The following SUN1 variants were observed in gnomAD, a reference collection of about 807,000 sequenced individuals.
SUN1 encodes SUN domain-containing protein 1.
SUN1 carries 61 observed loss-of-function variants against 103.2 expected under a neutral mutation model. That is an observed-to-expected ratio of 0.59 (90% CI 0.48 to 0.73). SUN1 has a LOEUF of 0.73. Ranked by LOEUF, SUN1 falls within the 30% of genes least tolerant of loss-of-function variation. The pLI is 0.00. For synonymous variants in SUN1, 490 were observed against 425.7 expected (o/e 1.15, Z -1.86); for missense variants, 1,052 against 1,034.6 (o/e 1.02, Z -0.23).
upstream of SUN1, chr7:816,151 G>A (rs1780336428): frequency 2.0e-5 from 4 of 205,010 alleles, no homozygotes; most frequent in South Asian, 3.8e-5. Context: ...AACGTAGACC[G>A]CGTATCTGAG....
At chr7:856,435 T>A in intron 12 of SUN1, 34 bp downstream of exon 12, 1 of 1,612,816 alleles carries the variant, frequency 6.2e-7, no homozygotes, top group Non-Finnish European at 8.5e-7. Flanking sequence ...ACTTTTGTCT[T>A]CGGTGTGTGT....
intron 10 of SUN1, 43 bp downstream of exon 10, chr7:853,661 C>T (rs774753882): frequency 8.9e-6 from 14 of 1,576,750 alleles, no homozygotes; most frequent in Middle Eastern, 2.2e-4. Context: ...GACACCAACG[C>T]GCTTCTGGGT....
upstream of SUN1, chr7:815,982 C>A: frequency 4.9e-6 from 1 of 205,132 alleles, no homozygotes; most frequent in South Asian, 4.8e-5. Context: ...CTGCCCCTCC[C>A]CCAAGACGCG....
chr7:816,195 C>T (rs558023175), upstream of SUN1: 1,442 of 251,068 alleles, frequency 5.7e-3, 12 homozygotes, highest in Non-Finnish European at 7.7e-3. Flanking sequence ...ACCCCTCCCC[C>T]AGGTGCAGAC....
At position 860,392 on chromosome 7, in the gene SUN1, C is replaced by T. The variant is rs751444425; in HGVS notation, c.1779+10C>T. On this transcript the variant is annotated intron_variant, in intron 14 of 18. Coordinates refer to ENST00000401592, the MANE Select transcript of SUN1 (RefSeq NM_001130965.3). The stretch of plus-strand genomic sequence containing the variant: ...TGGAATAACAGAGGCGGTGAGTCGG[C>T]GAGTCGGCGGCAAGAGATGCTTACA... 5 of 1,609,560 alleles carry T rather than the reference C, an allele frequency of 3.1e-6. No homozygotes were observed. The highest frequency in any genetic ancestry group is 1.7e-5 in the Admixed American group (1 of 59,962).
chr7:861,615 C>T (rs747338650), intron 15 of SUN1, 151 bp downstream of exon 15: 100 of 790,166 alleles, frequency 1.3e-4, no homozygotes, highest in South Asian at 4.7e-4. Context: ...GGGCATGACC[C>T]TGGTGTTCTT....
At chr7:822,798 C>T (rs186015896) in intron 1 of SUN1, among the ~76,000 whole-genome samples, 3 of 152,276 alleles carry the variant, frequency 2.0e-5, no homozygotes, top group East Asian at 1.9e-4. Flanking sequence ...TCCGGTTAGA[C>T]GAGGAAGCAT....
In SUN1 at chr7:872,602, C is replaced by T. The variant is rs749477240; in HGVS notation, c.2241+40C>T. The stretch of plus-strand genomic sequence containing the variant: ...TGGCACTGCCTGGGGTCTCTGAGTC[C>T]CACAACTTCTCGTGACAGCAGGGCC... On this transcript the variant is annotated intron_variant, in intron 18 of 18. Coordinates refer to ENST00000401592, the MANE Select transcript of SUN1 (RefSeq NM_001130965.3). 17 of 1,507,260 alleles carry T rather than the reference C, an allele frequency of 1.1e-5. No homozygotes were observed. In the South Asian group the frequency reaches 1.7e-4, roughly 15 times the overall value. 93.4% of individuals were successfully genotyped at this position (1,507,260 alleles called of 1,614,324 possible).
At chr7:828,791 G>A (rs1014044727), upstream of SUN1, among the ~76,000 whole-genome samples, 8 of 152,166 alleles carry the variant, frequency 5.3e-5, no homozygotes, top group South Asian at 2.1e-4. Flanking sequence ...CTCTCCACCC[G>A]TCCATCCTCC....
intron 11 of SUN1, among the ~76,000 whole-genome samples, chr7:855,908 T>C (rs1189525181): frequency 1.3e-5 from 2 of 152,182 alleles, no homozygotes; most frequent in Non-Finnish European, 1.5e-5. Context: ...TCCTCCTCTG[T>C]CTGCCTGCCC....
intron 1 of SUN1, among the ~76,000 whole-genome samples, chr7:834,823 C>A (rs1015866634): frequency 8.5e-5 from 13 of 152,150 alleles, no homozygotes; most frequent in African/African-American, 3.1e-4. Context: ...CGCCTGTAAT[C>A]CCAGCACTTT....
chr7:843,454 C>G lies in SUN1; in HGVS notation c.592C>G (p.Leu198Val). The G allele has an allele frequency of 6.2e-7, 1 of 1,614,156 alleles. No individual in the cohort carries two copies. Among genetic ancestry groups the G allele is most frequent in the Non-Finnish European group, 8.5e-7 (1 of 1,180,010 alleles). Residue 198 changes from leucine (L) to valine (V), a missense_variant, in exon 5 of 19, where the codon CTC (leucine) becomes GTC (valine). By Grantham distance (32) the Leu-to-Val change is conservative (BLOSUM62 1). This residue lies in a region of SUN1 where 846 missense variants were observed against 774.5 expected (regional missense o/e 1.09). Coordinates refer to ENST00000401592, the MANE Select transcript of SUN1 (RefSeq NM_001130965.3). ...CATGCTGTCCGAGCGCAAGGACGTG[C>G]TCACGGCGCACCCCGCGGCCCCCGG... Reference protein sequence around the residue: ...CSMLSERKDVLTAHPAAPGPV... With the variant: ...CSMLSERKDVVTAHPAAPGPV...
intron 14 of SUN1, among the ~76,000 whole-genome samples, chr7:860,766 A>C (rs1326163201): frequency 6.6e-6 from 1 of 152,258 alleles, no homozygotes; most frequent in East Asian, 1.9e-4. Context: ...TCACAGTTGC[A>C]CATGGCTGCA....
chr7:826,794 G>A (rs946963457), intron 1 of SUN1, among the ~76,000 whole-genome samples: 1 of 152,214 alleles, frequency 6.6e-6, no homozygotes, highest in Non-Finnish European at 1.5e-5. Context: ...AATGCAGCCT[G>A]TGCATTGTGC....
intron 3 of SUN1, chr7:842,426 G>A: frequency 2.6e-6 from 1 of 377,996 alleles, no homozygotes; most frequent in Middle Eastern, 7.6e-4. Flanking sequence ...ATGGGGAGAT[G>A]AAGCAGCAGG....
In SUN1 at chr7:839,091, ATATG is replaced by A. The variant is rs1806411232; in HGVS notation, c.266+107_266+110del. 7 of 1,235,994 alleles carry A rather than the reference ATATG, an allele frequency of 5.7e-6. No homozygotes were observed. In the Admixed American group the frequency reaches 1.8e-4, roughly 31 times the overall value. The allele number at this position is 1,235,994 out of a possible 1,614,324, so 76.6% of individuals were successfully genotyped here. ...GCCGCACCCTGTCTCGAGCTTAAGGATATGTGTGTGTATGTGCGTGTACAGACAC... is the reference window on the plus strand; with the variant it reads ...GCCGCACCCTGTCTCGAGCTTAAGGATGTGTGTATGTGCGTGTACAGACAC... On this transcript the variant is annotated intron_variant, in intron 2 of 18. Coordinates refer to ENST00000401592, the MANE Select transcript of SUN1 (RefSeq NM_001130965.3).
chr7:869,574 G>A, intron 17 of SUN1, 58 bp downstream of exon 17: 1 of 1,583,492 alleles, frequency 6.3e-7, no homozygotes, highest in South Asian at 1.1e-5. Flanking sequence ...TCCCACAGAT[G>A]AAAGCAAGTG....
At chr7:827,114 C>T (rs1464831100) in intron 1 of SUN1, among the ~76,000 whole-genome samples, 2 of 152,120 alleles carry the variant, frequency 1.3e-5, no homozygotes, top group African/African-American at 2.4e-5. Context: ...CTCTGCCTCC[C>T]GGGTTCAAGC....
Position 857,946 on chromosome 7 carries a change from G to T in SUN1, c.1513G>T (p.Val505Leu). 1.9e-6 allele frequency: 3 copies of T among 1,569,738 alleles called. No individual in the cohort carries two copies. The highest frequency in any genetic ancestry group is 2.6e-6 in the Non-Finnish European group (3 of 1,150,166). The change falls in exon 13 of 19, where the codon GTA becomes TTA. Residue 505 changes from valine (V) to leucine (L), a missense_variant. This residue lies in a region of SUN1 where 846 missense variants were observed against 774.5 expected (regional missense o/e 1.09). Transcript: ENST00000401592. The stretch of plus-strand genomic sequence containing the variant: ...GACCGGCTGTGAGACAGTGGATGCC[G>T]TACAAGAAAGAGTGAGCTTTCTGCA... Reference protein sequence around the residue: ...VKTGCETVDAVQERVDVQVRE... With the variant: ...VKTGCETVDALQERVDVQVRE...
Sources: gnomAD v4.1 joint callset for allele counts (sites outside exome capture counted in the v4.1 genomes callset) on GRCh38, gnomAD v4.1.1 for gene constraint, gnomAD v4.1.1 regional missense constraint, MANE v1.5 for transcripts, NCBI Gene and HGNC (gene_info 2026-07-23, HGNC 2026-07-21) for gene names.